The following MAPRE3 variants were observed in gnomAD, a reference collection of about 807,000 sequenced individuals.
MAPRE3 encodes microtubule-associated protein RP/EB family member 3.
In MAPRE3, 2 loss-of-function variants were observed where a neutral mutation model predicts 30.5. The ratio of observed to expected loss-of-function variants is 0.07; its 90% CI spans 0.03 to 0.21. The LOEUF is 0.21. Ranked by LOEUF, MAPRE3 falls within the 10% of genes least tolerant of loss-of-function variation. The probability of loss-of-function intolerance (pLI) is 1.00; values close to 1 mark genes in which losing one functional copy is unlikely to be tolerated. For missense variants in MAPRE3, 204 were observed against 351.8 expected (o/e 0.58, Z 3.36); for synonymous variants, 110 against 127.7 (o/e 0.86, Z 0.93).
In MAPRE3 at chr2:26,984,402, A is replaced by T. The variant is rs566560592; in HGVS notation, c.-8+13600A>T. Among the ~76,000 whole-genome samples the T allele has an allele frequency of 2.0e-5, 3 of 152,254 alleles. No individual in the cohort carries two copies. In the East Asian group the frequency reaches 5.8e-4, roughly 29 times the overall value. Reference sequence around the variant, plus strand: ...CTTTTTTCTACACACATACTAACATATTATTTTTTTTAAACATGGAATCTA... The same window carrying T: ...CTTTTTTCTACACACATACTAACATTTTATTTTTTTTAAACATGGAATCTA... On this transcript the variant is annotated intron_variant, in intron 1 of 6. Coordinates refer to ENST00000233121, the MANE Select transcript of MAPRE3 (RefSeq NM_012326.4).
At chr2:27,007,465 A>G (rs1666756225) in intron 1 of MAPRE3, among the ~76,000 whole-genome samples, 2 of 152,228 alleles carry the variant, frequency 1.3e-5, no homozygotes, top group African/African-American at 2.4e-5. Context: ...CTGCCCTGGG[A>G]TAAATTATGT....
rs1183351575 is a variant in MAPRE3, at chr2:27,026,032, G to A, written c.777G>A (p.Glu259=). ...TCATTGGCATCCTCTATGCCACAGA[G>A]GTGAGCACTCCCAGGCCCATTGGGC... is the stretch of plus-strand genomic sequence containing the variant. ...SGIIGILYAT[E]EGFAPPEDDE... The change falls in exon 6 of 7, where the codon GAG becomes GAA. Residue 259 remains glutamate, a splice_region_variant and synonymous_variant. Coordinates refer to ENST00000233121, the MANE Select transcript of MAPRE3 (RefSeq NM_012326.4). 1.2e-6 allele frequency: 2 copies of A among 1,614,174 alleles called. No homozygotes were observed. The highest frequency in any genetic ancestry group is 1.3e-5 in the African/African-American group (1 of 75,064).
chr2:26,995,809 GTGTGTGTGTGTGTGTGTGTGTA>G (rs1470475064), intron 1 of MAPRE3, among the ~76,000 whole-genome samples: 2 of 150,026 alleles, frequency 1.3e-5, no homozygotes, highest in East Asian at 2.0e-4. Context: ...GTGTGTGTGT[GTGTGTGTGTGTGTGTGTGTGTA>G]TGTGTGTGTG....
intron 1 of MAPRE3, among the ~76,000 whole-genome samples, chr2:26,983,076 C>G (rs1666146681): frequency 6.6e-6 from 1 of 152,204 alleles, no homozygotes; most frequent in Non-Finnish European, 1.5e-5. Flanking sequence ...ATCCCACTAC[C>G]GCTACCACTA....
intron 1 of MAPRE3, among the ~76,000 whole-genome samples, chr2:26,972,528 C>T (rs1048584713): frequency 5.3e-5 from 8 of 152,190 alleles, no homozygotes; most frequent in African/African-American, 1.7e-4. Flanking sequence ...TGGTGGGATG[C>T]ACCTGCCTGT....
chr2:26,989,675 C>G (rs1666295208), intron 1 of MAPRE3, among the ~76,000 whole-genome samples: 1 of 152,152 alleles, frequency 6.6e-6, no homozygotes, highest in Non-Finnish European at 1.5e-5. Context: ...GGCTAAGTGA[C>G]AGCAAAATCT....
At chr2:26,978,740 T>C (rs1478954343) in intron 1 of MAPRE3, among the ~76,000 whole-genome samples, 1 of 152,260 alleles carries the variant, frequency 6.6e-6, no homozygotes, top group East Asian at 1.9e-4. Flanking sequence ...CATGTAAGCA[T>C]GCTCTCAGCA....
intron 1 of MAPRE3, among the ~76,000 whole-genome samples, chr2:27,018,668 C>T (rs1667041040): frequency 6.6e-6 from 1 of 152,142 alleles, no homozygotes; most frequent in Non-Finnish European, 1.5e-5. Context: ...CACTCTGCCC[C>T]TTCGGCAAGC....
At chr2:26,990,891 GCTATTCTGCCTGTCA>G (rs1666322548) in intron 1 of MAPRE3, among the ~76,000 whole-genome samples, 1 of 152,176 alleles carries the variant, frequency 6.6e-6, no homozygotes, top group African/African-American at 2.4e-5. Flanking sequence ...AGGCCTTCAG[GCTATTCTGCCTGTCA>G]CCAGTGCCCA....
At chr2:26,975,053 G>A (rs1665989955) in intron 1 of MAPRE3, among the ~76,000 whole-genome samples, 1 of 152,220 alleles carries the variant, frequency 6.6e-6, no homozygotes, top group Admixed American at 6.5e-5. Flanking sequence ...TATATGAAAT[G>A]TATCTTTGCT....
intron 1 of MAPRE3, among the ~76,000 whole-genome samples, chr2:27,001,373 G>A (rs1473110911): frequency 6.6e-6 from 1 of 152,214 alleles, no homozygotes; most frequent in East Asian, 1.9e-4. Flanking sequence ...GGGTATGGTG[G>A]CTCATGCCTG....
At chr2:26,981,710 C>T (rs1666116747) in intron 1 of MAPRE3, among the ~76,000 whole-genome samples, 1 of 152,156 alleles carries the variant, frequency 6.6e-6, no homozygotes, top group South Asian at 2.1e-4. Context: ...TGAAAAGGTG[C>T]TGGGCCTCTA....
intron 1 of MAPRE3, among the ~76,000 whole-genome samples, chr2:26,983,179 C>T (rs1197939854): frequency 1.3e-5 from 2 of 152,234 alleles, no homozygotes; most frequent in Non-Finnish European, 2.9e-5. Flanking sequence ...ACCACATAAT[C>T]TGTGCTTGCA....
At position 27,024,369 on chromosome 2, in the gene MAPRE3, CT is replaced by C. The variant is rs537869606; in HGVS notation, c.469+73del. 6.8e-5 allele frequency: 96 copies of C among 1,410,256 alleles called. No homozygotes were observed. In the East Asian group the frequency reaches 2.2e-3, roughly 32 times the overall value. 87.4% of individuals were successfully genotyped at this position (1,410,256 alleles called of 1,614,324 possible). A position where few individuals can be genotyped will look rare whatever the true frequency, so the allele number is the denominator to read the frequency against. On this transcript the variant is annotated intron_variant, in intron 4 of 6. Transcript: ENST00000233121. ...AGGCCTCTATAGCCAGGAGTGCCCCCTGGGCCACGGCCCGGCCCTGCCAGCC... is the reference window on the plus strand; with the variant it reads ...AGGCCTCTATAGCCAGGAGTGCCCCCGGGCCACGGCCCGGCCCTGCCAGCC...
chr2:27,026,139 G>C (rs1667235970), intron 6 of MAPRE3, 107 bp downstream of exon 6: 1 of 1,469,914 alleles, frequency 6.8e-7, no homozygotes, highest in South Asian at 1.2e-5. Context: ...TGATGAGAGA[G>C]AGGTGAAGTC....
chr2:27,004,214 C>G lies in MAPRE3; in HGVS notation c.-7-17998C>G, dbSNP rs150230856. ...GAGCTGGAGTTGGGTGCTGTGGAGT[C>G]CTTTTCACCACCTTTTTCATGCACC... On this transcript the variant is annotated intron_variant, in intron 1 of 6. Transcript: ENST00000233121. Among the ~76,000 whole-genome samples the G allele has an allele frequency of 4.6e-5, 7 of 152,238 alleles. No individual in the cohort carries two copies. The East Asian group carries it at 1.4e-3, about 29-fold the overall frequency.
intron 3 of MAPRE3, chr2:27,023,881 C>T (rs1667169009): frequency 1.8e-6 from 1 of 553,122 alleles, no homozygotes; most frequent in Non-Finnish European, 3.3e-6. Context: ...AGTTCTTCCA[C>T]ACGGTGCCTG....
intron 1 of MAPRE3, among the ~76,000 whole-genome samples, chr2:26,998,645 A>C (rs1666518822): frequency 6.6e-6 from 1 of 152,184 alleles, no homozygotes; most frequent in Non-Finnish European, 1.5e-5. Flanking sequence ...GGAAGCTCCT[A>C]GTGACGTGGA....
intron 1 of MAPRE3, among the ~76,000 whole-genome samples, chr2:27,008,293 A>G (rs1666773588): frequency 6.6e-6 from 1 of 152,214 alleles, no homozygotes; most frequent in Admixed American, 6.5e-5. Context: ...GCATTTAAGA[A>G]GCGAGAGTCT....
Sources: gnomAD v4.1 joint callset for allele counts (sites outside exome capture counted in the v4.1 genomes callset) on GRCh38, gnomAD v4.1.1 for gene constraint, MANE v1.5 for transcripts, NCBI Gene and HGNC (gene_info 2026-07-23, HGNC 2026-07-21) for gene names.